GPR141: variants seen among roughly 807,000 people sequenced by gnomAD.
GPR141 encodes the protein G protein-coupled receptor 141, also known as probable G protein-coupled receptor 141.
Under a neutral mutation model 6.8 loss-of-function variants are expected in GPR141, and 6 were observed. That is an observed-to-expected ratio of 0.88 (90% CI 0.48 to 1.74). The LOEUF (loss-of-function observed/expected upper bound fraction) is 1.74. Ranked by LOEUF, GPR141 falls within the 40% of genes most tolerant of loss-of-function variation. The pLI, the probability that GPR141 is intolerant of heterozygous loss-of-function variation, is 0.01. For synonymous variants in GPR141, 140 were observed against 142.3 expected (o/e 0.98, Z 0.11); for missense variants, 372 against 372.9 (o/e 1.00, Z 0.02).
rs553788043 is a variant in GPR141 at position 37,692,633 on chromosome 7, A to G, written c.-15+7050A>G. On this transcript the variant is annotated intron_variant, in intron 2 of 2. Transcript: ENST00000334425. ...CTACCAACAGTGTAAAAGCATACGT[A>G]TTTCTCCATATCCTCTCCAGCATCT... is the stretch of plus-strand genomic sequence containing the variant. Among the ~76,000 whole-genome samples the G allele has an allele frequency of 3.3e-5, 5 of 152,204 alleles. No individual in the cohort carries two copies. The East Asian group carries it at 9.7e-4, about 29-fold the overall frequency.
At chr7:37,735,356 G>T (rs1812179710) in intron 2 of GPR141, among the ~76,000 whole-genome samples, 1 of 152,212 alleles carries the variant, frequency 6.6e-6, no homozygotes, top group Non-Finnish European at 1.5e-5. Flanking sequence ...GACTTGGGGG[G>T]ATGGGAGACT....
chr7:37,703,704 C>G (rs897152146), intron 2 of GPR141, among the ~76,000 whole-genome samples: 1 of 152,260 alleles, frequency 6.6e-6, no homozygotes. Flanking sequence ...GTATCTACTT[C>G]ATAGGATTGT....
chr7:37,688,583 A>T (rs1246711880), intron 2 of GPR141, among the ~76,000 whole-genome samples: 4 of 152,184 alleles, frequency 2.6e-5, no homozygotes, highest in African/African-American at 9.7e-5. Context: ...AGGCCATGCT[A>T]CTGAGACGCA....
At chr7:37,687,269 TA>T (rs1388797114) in intron 2 of GPR141, among the ~76,000 whole-genome samples, 2 of 152,100 alleles carry the variant, frequency 1.3e-5, no homozygotes, top group Non-Finnish European at 2.9e-5. Flanking sequence ...ATATCTAGTA[TA>T]TGATTCATTC....
At chr7:37,711,266 G>A (rs998717366) in intron 2 of GPR141, among the ~76,000 whole-genome samples, 1 of 152,172 alleles carries the variant, frequency 6.6e-6, no homozygotes, top group Non-Finnish European at 1.5e-5. Context: ...ACAGGTCTGG[G>A]TGGGGCCCTG....
intron 2 of GPR141, among the ~76,000 whole-genome samples, chr7:37,725,945 C>A (rs947565183): frequency 6.6e-6 from 1 of 151,806 alleles, no homozygotes; most frequent in South Asian, 2.1e-4. Flanking sequence ...TAATTGATTG[C>A]TCTTAAGTTT....
At chr7:37,694,514 C>T (rs756389309) in intron 2 of GPR141, among the ~76,000 whole-genome samples, 6 of 152,122 alleles carry the variant, frequency 3.9e-5, no homozygotes, top group Admixed American at 6.5e-5. Flanking sequence ...TAGCAGGGAG[C>T]GTGCAGCTGC....
chr7:37,693,277 T>G (rs1809864622), intron 2 of GPR141, among the ~76,000 whole-genome samples: 1 of 152,190 alleles, frequency 6.6e-6, no homozygotes, highest in Non-Finnish European at 1.5e-5. Context: ...CCTCATTGTT[T>G]GTTTTTGTTA....
intron 2 of GPR141, among the ~76,000 whole-genome samples, chr7:37,727,926 C>T (rs1009125550): frequency 1.3e-5 from 2 of 152,220 alleles, no homozygotes; most frequent in Non-Finnish European, 2.9e-5. Flanking sequence ...ATATGGGAAT[C>T]CTCATGTACA....
chr7:37,690,445 G>A (rs192454972), intron 2 of GPR141, among the ~76,000 whole-genome samples: 9 of 152,168 alleles, frequency 5.9e-5, no homozygotes, highest in East Asian at 1.9e-4. Flanking sequence ...TTCACAGTGC[G>A]ACGTGCCTGC....
rs61160687 is a variant in GPR141 at position 37,718,524 on chromosome 7, A to AAGGAAGGAAGGAAGG, written c.-14-21855_-14-21854insGGAAGGAAGGAAGGA. Among the ~76,000 whole-genome samples the AAGGAAGGAAGGAAGG allele has an allele frequency of 9.9e-3, 549 of 55,416 alleles. 13 individuals are homozygous for AAGGAAGGAAGGAAGG. Among genetic ancestry groups the AAGGAAGGAAGGAAGG allele is most frequent in the African/African-American group, 0.025 (489 of 19,434 alleles). The allele number at this position is 55,416 out of a possible 152,430, so 36.4% of individuals were successfully genotyped here. ...GAGACTCTGTCTCGAAGGAAGGAAG[A>AAGGAAGGAAGGAAGG]AAGGAAGGAAGGAAGGAAGGAAGGA... On this transcript the variant is annotated intron_variant, in intron 2 of 2. Coordinates refer to ENST00000334425, the MANE Select transcript of GPR141 (RefSeq NM_001381946.1).
chr7:37,741,355 T>C lies in GPR141; in HGVS notation c.*44T>C, dbSNP rs753172259. The stretch of plus-strand genomic sequence containing the variant: ...ATATTTGCTTCCTTTATATTGGGAA[T>C]AAAAATGGGTATAGGGGAGGTAAGA... On this transcript the variant is annotated 3_prime_UTR_variant, in exon 3 of 3. Coordinates refer to ENST00000334425, the MANE Select transcript of GPR141 (RefSeq NM_001381946.1). 3.1e-5 allele frequency: 43 copies of C among 1,368,000 alleles called. No homozygotes were observed. Among genetic ancestry groups the C allele is most frequent in the Non-Finnish European group, 4.1e-5 (41 of 995,140 alleles). 84.7% of individuals were successfully genotyped at this position (1,368,000 alleles called of 1,614,324 possible). A position where few individuals can be genotyped will look rare whatever the true frequency, so the allele number is the denominator to read the frequency against.
At position 37,708,310 on chromosome 7, in the gene GPR141, C is replaced by CAAAAAAAAAAAAAAA. The variant is rs66783277; in HGVS notation, c.-15+22738_-15+22752dup. ...ATACTGCCTCTTGACAAATTGCTGG[C>CAAAAAAAAAAAAAAA]AAAAAAAAAAAAAAAAAAAAAAAAA... On this transcript the variant is annotated intron_variant, in intron 2 of 2. Transcript: ENST00000334425. Among the ~76,000 whole-genome samples, 3 of 59,776 alleles carry CAAAAAAAAAAAAAAA rather than the reference C, an allele frequency of 5.0e-5. 1 individual carries two copies. Among genetic ancestry groups the CAAAAAAAAAAAAAAA allele is most frequent in the Non-Finnish European group, 2.8e-5 (1 of 35,882 alleles). 39.2% of individuals were successfully genotyped at this position (59,776 alleles called of 152,430 possible).
chr7:37,740,345 G>C (rs763769821), intron 2 of GPR141, 35 bp from the exon 3 acceptor site: 3 of 1,347,748 alleles, frequency 2.2e-6, no homozygotes, highest in Non-Finnish European at 3.1e-6. Context: ...AGCTCTGAAA[G>C]CTTGTCAGTT....
intron 2 of GPR141, among the ~76,000 whole-genome samples, chr7:37,717,560 C>T (rs1811105890): frequency 1.3e-5 from 2 of 151,910 alleles, no homozygotes; most frequent in Admixed American, 6.6e-5. Flanking sequence ...ACATTTTCTG[C>T]CCCCTCTTTC....
At chr7:37,692,156 C>T (rs994989175) in intron 2 of GPR141, among the ~76,000 whole-genome samples, 1 of 151,878 alleles carries the variant, frequency 6.6e-6, no homozygotes, top group Admixed American at 6.5e-5. Context: ...AGCTCCCCAT[C>T]CCCCAACAGC....
chr7:37,707,149 A>G (rs1810562749), intron 2 of GPR141, among the ~76,000 whole-genome samples: 1 of 151,946 alleles, frequency 6.6e-6, no homozygotes, highest in South Asian at 2.1e-4. Flanking sequence ...CAGGTCCTGA[A>G]CCTCCCAGAA....
intron 2 of GPR141, among the ~76,000 whole-genome samples, chr7:37,727,845 C>A (rs958993489): frequency 2.6e-5 from 4 of 152,178 alleles, no homozygotes; most frequent in Non-Finnish European, 4.4e-5. Context: ...ATTTAGTATT[C>A]TAAAATTCCC....
chr7:37,733,479 C>CT (rs1475926452), intron 2 of GPR141, among the ~76,000 whole-genome samples: 1 of 151,814 alleles, frequency 6.6e-6, no homozygotes, highest in African/African-American at 2.4e-5. Flanking sequence ...CAAGAAGAGC[C>CT]TGGACAAAAT....
Sources: gnomAD v4.1 joint callset for allele counts (sites outside exome capture counted in the v4.1 genomes callset) on GRCh38, gnomAD v4.1.1 for gene constraint, MANE v1.5 for transcripts, NCBI Gene and HGNC (gene_info 2026-07-23, HGNC 2026-07-21) for gene names.